The following OR8D1 variants were observed in gnomAD, a reference collection of about 807,000 sequenced individuals.
OR8D1 encodes olfactory receptor family 8 subfamily D member 1, also known as olfactory receptor 8D1.
For synonymous variants in OR8D1, 143 were observed against 147.0 expected (o/e 0.97, Z 0.20); for missense variants, 384 against 366.8 (o/e 1.05, Z -0.38).
rs1245836136 is a variant in OR8D1, at chr11:124,304,867, C to T, written c.*4973G>A. ...ACATTATTTTTCCAGCCTGTGTGTG[C>T]ACTTTTTTTATTCTAAAATAGTGTC... On this transcript the variant is annotated 3_prime_UTR_variant, in exon 3 of 3. Transcript: ENST00000641015. 2 of 151,770 alleles carry T rather than the reference C, an allele frequency of 1.3e-5. No homozygotes were observed. The highest frequency in any genetic ancestry group is 6.6e-5 in the Admixed American group (1 of 15,184). 9.4% of individuals were successfully genotyped at this position (151,770 alleles called of 1,614,324 possible). A position where few individuals can be genotyped will look rare whatever the true frequency, so the allele number is the denominator to read the frequency against.
chr11:124,306,091 A>G lies in OR8D1; in HGVS notation c.*3749T>C, dbSNP rs1445313685. On this transcript the variant is annotated 3_prime_UTR_variant, in exon 3 of 3. Transcript: ENST00000641015. Reference sequence around the variant, plus strand: ...TTATTTTGTTACTGTCAATATATTTATAGCTCTGCCTTTGACAATGTCACT... The same window carrying G: ...TTATTTTGTTACTGTCAATATATTTGTAGCTCTGCCTTTGACAATGTCACT... The G allele has an allele frequency of 1.3e-5, 2 of 151,820 alleles. No homozygotes were observed. The highest frequency in any genetic ancestry group is 2.9e-5 in the Non-Finnish European group (2 of 67,840). The allele number at this position is 151,820 out of a possible 1,614,324, so 9.4% of individuals were successfully genotyped here. A position where few individuals can be genotyped will look rare whatever the true frequency, so the allele number is the denominator to read the frequency against.
rs1294775157 is a variant in OR8D1, at chr11:124,305,534, G to A, written c.*4306C>T. On this transcript the variant is annotated 3_prime_UTR_variant, in exon 3 of 3. Transcript: ENST00000641015. ...ATATAGTGGGTACTTCTTGAAGATG[G>A]GTATTGACTCGGGAAAAGCAAAAGG... 1 of 151,558 alleles carries A rather than the reference G, an allele frequency of 6.6e-6. No individual in the cohort carries two copies. Among genetic ancestry groups the A allele is most frequent in the Non-Finnish European group, 1.5e-5 (1 of 67,782 alleles). 9.4% of individuals were successfully genotyped at this position (151,558 alleles called of 1,614,324 possible). A position where few individuals can be genotyped will look rare whatever the true frequency, so the allele number is the denominator to read the frequency against.
Position 124,306,881 on chromosome 11 carries a change from G to A in OR8D1, c.*2959C>T, listed in dbSNP as rs1225022887. On this transcript the variant is annotated 3_prime_UTR_variant, in exon 3 of 3. Transcript: ENST00000641015. ...TTCACACCTTTACTCACTTTCCCCA[G>A]GAAGGTGGGATGACTTTTCTGATGA... 1 of 151,954 alleles carries A rather than the reference G, an allele frequency of 6.6e-6. No homozygotes were observed. Among genetic ancestry groups the A allele is most frequent in the East Asian group, 1.9e-4 (1 of 5,174 alleles). The allele number at this position is 151,954 out of a possible 1,614,324, so 9.4% of individuals were successfully genotyped here.
chr11:124,306,423 A>G lies in OR8D1; in HGVS notation c.*3417T>C, dbSNP rs1156746545. 8 of 149,330 alleles carry G rather than the reference A, an allele frequency of 5.4e-5. No homozygotes were observed. Among genetic ancestry groups the G allele is most frequent in the Non-Finnish European group, 1.2e-4 (8 of 67,408 alleles). The allele number at this position is 149,330 out of a possible 1,614,324, so 9.3% of individuals were successfully genotyped here. A position where few individuals can be genotyped will look rare whatever the true frequency, so the allele number is the denominator to read the frequency against. On this transcript the variant is annotated 3_prime_UTR_variant, in exon 3 of 3. Coordinates refer to ENST00000641015, the MANE Select transcript of OR8D1 (RefSeq NM_001002917.2). ...TATATATAATATTCATATAATATTC[A>G]CAGTGAAACTTCTGCATACTTTTCT...
chr11:124,310,948 C>T, intron 2 of OR8D1, 166 bp from the exon 3 acceptor site: 1 of 522,926 alleles, frequency 1.9e-6, no homozygotes, highest in East Asian at 2.9e-5. Context: ...TTCCCTGGGC[C>T]TTCTCCAAGT....
Position 124,309,966 on chromosome 11 carries a change from G to A in OR8D1, c.801C>T (p.Ser267=), listed in dbSNP as rs267602757. ...CAGAGGACACCTTCTCCTGGTCCAG[G>A]GAGTTACTTGAAGGGGGCTTGAAAT... The part of the protein sequence containing the change: ...FMYFKPPSSN[S]LDQEKVSSVF... Residue 267 remains serine (S), a synonymous_variant, in exon 3 of 3, where the codon TCC becomes TCT. Transcript: ENST00000641015. 2 of 1,568,642 alleles carry A rather than the reference G, an allele frequency of 1.3e-6. No individual in the cohort carries two copies. The highest frequency in any genetic ancestry group is 2.2e-5 in the East Asian group (1 of 44,528).
rs781002044 is a variant in OR8D1, at chr11:124,310,089, AAGGATGCTGTAG to A, written c.666_677del (p.Tyr223_Leu226del). The A allele has an allele frequency of 6.2e-7, 1 of 1,613,528 alleles. No homozygotes were observed. Among genetic ancestry groups the A allele is most frequent in the African/African-American group, 1.3e-5 (1 of 74,896 alleles). ...ACCGGCCCTCTGAGGAGCGGATGTG[AAGGATGCTGTAG>A]AGGATGAAGGCATAGGAGACAGCAA... is the stretch of plus-strand genomic sequence containing the variant. On this transcript the variant is annotated inframe_deletion, in exon 3 of 3. Coordinates refer to ENST00000641015, the MANE Select transcript of OR8D1 (RefSeq NM_001002917.2).
rs1862371469 is a variant in OR8D1 at position 124,306,679 on chromosome 11, A to T, written c.*3161T>A. On this transcript the variant is annotated 3_prime_UTR_variant, in exon 3 of 3. Transcript: ENST00000641015. Reference sequence around the variant, plus strand: ...CCAATTATAATTTTGAATCTTCTGTATTTCTTGATTCTACTTTTCTCTAAA... The same window carrying T: ...CCAATTATAATTTTGAATCTTCTGTTTTTCTTGATTCTACTTTTCTCTAAA... 6.6e-6 allele frequency: 1 copy of T among 151,668 alleles called. No homozygotes were observed. The allele number at this position is 151,668 out of a possible 1,614,324, so 9.4% of individuals were successfully genotyped here.
At position 124,304,563 on chromosome 11, in the gene OR8D1, C is replaced by T. The variant is rs948214117; in HGVS notation, c.*5277G>A. ...ACAACATGTAAAATTTGAGAGATGC[C>T]ATTTCTCTGAATCCTCTCCAATACT... On this transcript the variant is annotated 3_prime_UTR_variant, in exon 3 of 3. Coordinates refer to ENST00000641015, the MANE Select transcript of OR8D1 (RefSeq NM_001002917.2). The T allele has an allele frequency of 6.6e-6, 1 of 151,734 alleles. No individual in the cohort carries two copies. The highest frequency in any genetic ancestry group is 6.6e-5 in the Admixed American group (1 of 15,194). The allele number at this position is 151,734 out of a possible 1,614,324, so 9.4% of individuals were successfully genotyped here. A position where few individuals can be genotyped will look rare whatever the true frequency, so the allele number is the denominator to read the frequency against.
Position 124,310,667 on chromosome 11 carries a change from T to A in OR8D1, c.100A>T (p.Ile34Phe). The change falls in exon 3 of 3, where the codon ATC becomes TTC. Residue 34 changes from isoleucine to phenylalanine, a missense_variant. By Grantham distance (21) the Ile-to-Phe change is conservative. Coordinates refer to ENST00000641015, the MANE Select transcript of OR8D1 (RefSeq NM_001002917.2). ...QLPLFLLFLGIYVVTVVGNLG... is the reference protein window; with the variant it reads ...QLPLFLLFLGFYVVTVVGNLG... Reference sequence around the variant, plus strand: ...TTGCCCACTACTGTGACCACATAGATTCCCAGGAACAGGAGGAAGAGGGGC... The same window carrying A: ...TTGCCCACTACTGTGACCACATAGAATCCCAGGAACAGGAGGAAGAGGGGC... 6.2e-7 allele frequency: 1 copy of A among 1,613,944 alleles called. No homozygotes were observed. Among genetic ancestry groups the A allele is most frequent in the East Asian group, 2.2e-5 (1 of 44,868 alleles).
Position 124,308,791 on chromosome 11 carries a change from A to C in OR8D1, c.*1049T>G, listed in dbSNP as rs1229487779. 1 of 152,176 alleles carries C rather than the reference A, an allele frequency of 6.6e-6. No individual in the cohort carries two copies. Among genetic ancestry groups the C allele is most frequent in the Non-Finnish European group, 1.5e-5 (1 of 68,032 alleles). 9.4% of individuals were successfully genotyped at this position (152,176 alleles called of 1,614,324 possible). A position where few individuals can be genotyped will look rare whatever the true frequency, so the allele number is the denominator to read the frequency against. On this transcript the variant is annotated 3_prime_UTR_variant, in exon 3 of 3. Coordinates refer to ENST00000641015, the MANE Select transcript of OR8D1 (RefSeq NM_001002917.2). ...AGAAAACTAACTTGATATGGAAGTT[A>C]AAATGCTAGAAATTCAATGGAATAT...
rs1862391297 is a variant in OR8D1, at chr11:124,309,018, A to T, written c.*822T>A. The T allele has an allele frequency of 6.6e-6, 1 of 152,096 alleles. No homozygotes were observed. Among genetic ancestry groups the T allele is most frequent in the Non-Finnish European group, 1.5e-5 (1 of 68,004 alleles). 9.4% of individuals were successfully genotyped at this position (152,096 alleles called of 1,614,324 possible). On this transcript the variant is annotated 3_prime_UTR_variant, in exon 3 of 3. Transcript: ENST00000641015. ...TAAGGTCACATGCTCAAAAACATGG[A>T]CCACAGCTTCAGTTCAGGAATCTGC...
Position 124,303,820 on chromosome 11 carries a change from ACATT to A in OR8D1, c.*6016_*6019del, listed in dbSNP as rs1240525850. On this transcript the variant is annotated 3_prime_UTR_variant, in exon 3 of 3. Transcript: ENST00000641015. ...TATAATTCAATGAGTTTTGATAAATACATTCATTCAAATAACTAGCACACCTATC... is the reference window on the plus strand; with the variant it reads ...TATAATTCAATGAGTTTTGATAAATACATTCAAATAACTAGCACACCTATC... 2.6e-5 allele frequency: 4 copies of A among 152,042 alleles called. No individual in the cohort carries two copies. Among genetic ancestry groups the A allele is most frequent in the Non-Finnish European group, 5.9e-5 (4 of 67,962 alleles). The allele number at this position is 152,042 out of a possible 1,614,324, so 9.4% of individuals were successfully genotyped here. A position where few individuals can be genotyped will look rare whatever the true frequency, so the allele number is the denominator to read the frequency against.
chr11:124,307,846 T>A lies in OR8D1; in HGVS notation c.*1994A>T, dbSNP rs1488591682. ...GCTCTCCCTGGATTTGTTAAATGTA[T>A]AAGTTCTGAGCAGGGCTACAAATAC... On this transcript the variant is annotated 3_prime_UTR_variant, in exon 3 of 3. Transcript: ENST00000641015. 1.3e-5 allele frequency: 2 copies of A among 152,120 alleles called. No homozygotes were observed. Among genetic ancestry groups the A allele is most frequent in the Non-Finnish European group, 2.9e-5 (2 of 68,010 alleles). 9.4% of individuals were successfully genotyped at this position (152,120 alleles called of 1,614,324 possible).
At position 124,310,333 on chromosome 11, in the gene OR8D1, A is replaced by G; in HGVS notation, c.434T>C (p.Val145Ala). 6.2e-7 allele frequency: 1 copy of G among 1,613,758 alleles called. No homozygotes were observed. The highest frequency in any genetic ancestry group is 8.5e-7 in the Non-Finnish European group (1 of 1,179,926). Residue 145 changes from valine to alanine, a missense_variant, in exon 3 of 3, where the codon GTG becomes GCG. By Grantham distance (64) the Val-to-Ala change is moderately conservative. Transcript: ENST00000641015. ...IMSSWVCSLL[V>A]LAAFFLGFLS... ...AAAGCCCAAGAAGAAGGCAGCCAGC[A>G]CTAGCAGTGAGCAGACCCATGAGGA...
Position 124,310,677 on chromosome 11 carries a change from C to G in OR8D1, c.90G>C (p.Leu30=), listed in dbSNP as rs762537125. The change falls in exon 3 of 3, where the codon CTG becomes CTC. Residue 30 remains leucine (L), a synonymous_variant. Transcript: ENST00000641015. The part of the protein sequence containing the change: ...QAELQLPLFL[L]FLGIYVVTVV... ...CTGTGACCACATAGATTCCCAGGAA[C>G]AGGAGGAAGAGGGGCAGCTGGAGCT... The G allele has an allele frequency of 6.2e-7, 1 of 1,613,938 alleles. No homozygotes were observed.
intron 1 of OR8D1, among the ~76,000 whole-genome samples, chr11:124,313,328 G>A (rs1454457284): frequency 6.6e-6 from 1 of 151,340 alleles, no homozygotes; most frequent in Non-Finnish European, 1.5e-5. Context: ...AGAGAAAAAG[G>A]AAAGAAAGAA....
Position 124,310,440 on chromosome 11 carries a change from CACCACAAAG to C in OR8D1, c.318_326del (p.Phe107_Val109del), listed in dbSNP as rs771106941. On this transcript the variant is annotated inframe_deletion, in exon 3 of 3. Transcript: ENST00000641015. ...TGGCAGTCAGGAGGTAACCCTCAGC[CACCACAAAG>C]ACCACAAAGAAAAAGAGCTGGACCA... 7.4e-6 allele frequency: 12 copies of C among 1,613,490 alleles called. No homozygotes were observed. The highest frequency in any genetic ancestry group is 2.2e-5 in the East Asian group (1 of 44,686).
rs1862341861 is a variant in OR8D1, at chr11:124,303,493, G to GTAAATTT, written c.*6346_*6347insAAATTTA. On this transcript the variant is annotated 3_prime_UTR_variant, in exon 3 of 3. Transcript: ENST00000641015. ...CGTTCTGTTTTCAATGTAAATTGCT[G>GTAAATTT]CTTATATCTTTTGCCTGGTTTTCTA... The GTAAATTT allele has an allele frequency of 1.3e-5, 2 of 151,996 alleles. No homozygotes were observed. Among genetic ancestry groups the GTAAATTT allele is most frequent in the Non-Finnish European group, 2.9e-5 (2 of 67,974 alleles). 9.4% of individuals were successfully genotyped at this position (151,996 alleles called of 1,614,324 possible). A position where few individuals can be genotyped will look rare whatever the true frequency, so the allele number is the denominator to read the frequency against.
Sources: gnomAD v4.1 joint callset for allele counts (sites outside exome capture counted in the v4.1 genomes callset) on GRCh38, gnomAD v4.1.1 for gene constraint, MANE v1.5 for transcripts, NCBI Gene and HGNC (gene_info 2026-07-23, HGNC 2026-07-21) for gene names.